The following MEG3 variants were observed in gnomAD, a reference collection of about 807,000 sequenced individuals.
The protein encoded by MEG3 is Very putative protein from MEG3 locus.
chr14:100,846,215 G>A (rs1245046505), intron 3 of MEG3: 3 of 152,226 alleles, frequency 2.0e-5, no homozygotes, highest in Non-Finnish European at 4.4e-5. Flanking sequence ...CCCACCAGGA[G>A]ACTATGTACC....
chr14:100,858,602 T>A (rs1951485417), exon 1 of MEG3: 2 of 152,780 alleles, frequency 1.3e-5, no homozygotes, highest in South Asian at 4.1e-4. Context: ...CTGCCCCGGC[T>A]CTCTTCCACC....
At chr14:100,830,520 G>A (rs531425111), downstream of MEG3, 5 of 152,270 alleles carry the variant, frequency 3.3e-5, no homozygotes, top group South Asian at 8.3e-4. Flanking sequence ...CACATGTCCA[G>A]CCCAATTCTC....
exon 2 of MEG3, chr14:100,836,265 T>C (rs2139957214): frequency 2.2e-6 from 1 of 456,646 alleles, no homozygotes; most frequent in East Asian, 7.0e-5. Context: ...CCAAGTCTTC[T>C]TCCTGGCGGG....
At chr14:100,831,162 C>A, downstream of MEG3, 1 of 152,990 alleles carries the variant, frequency 6.5e-6, no homozygotes, top group Non-Finnish European at 1.5e-5. Flanking sequence ...CTCACAACTC[C>A]CTGTCCTGAG....
chr14:100,849,360 C>T (rs971163045), intron 3 of MEG3: 1 of 152,124 alleles, frequency 6.6e-6, no homozygotes, highest in Non-Finnish European at 1.5e-5. Context: ...TAATCCAATT[C>T]TGTGCACCTG....
intron 2 of MEG3, among the ~76,000 whole-genome samples, chr14:100,840,900 C>T (rs1383557698): frequency 2.0e-5 from 3 of 152,260 alleles, no homozygotes; most frequent in African/African-American, 4.8e-5. Flanking sequence ...TCCGCGCTCA[C>T]AGCTGGGCTG....
downstream of MEG3, chr14:100,833,460 A>G (rs567485946): frequency 2.6e-5 from 4 of 152,258 alleles, no homozygotes; most frequent in East Asian, 7.7e-4. Flanking sequence ...GGGTTTCACC[A>G]TGTTGGTCAG....
At chr14:100,836,166 G>A in intron 1 of MEG3, 1 of 451,104 alleles carries the variant, frequency 2.2e-6, no homozygotes, top group Non-Finnish European at 4.4e-6. Context: ...CCTTCCCCAA[G>A]GCACGTGGGC....
At position 100,843,833 on chromosome 14, in the gene MEG3, G is replaced by GTTTTTTTT. The variant is rs11307044; in HGVS notation, n.3046-1608_3046-1601dup. On this transcript the variant is annotated intron_variant and non_coding_transcript_variant, in intron 2 of 3. Transcript: ENST00000398461. ...TGGAGTCAGGTGTCTCCCGGGACCTGTTTTTTTTTTTTTTTTTTTTTTTTG... is the reference window on the plus strand; with the variant it reads ...TGGAGTCAGGTGTCTCCCGGGACCTGTTTTTTTTTTTTTTTTTTTTTTTTTTTTTTTTG... 6.5e-4 allele frequency among the ~76,000 whole-genome samples: 46 copies of GTTTTTTTT among 70,746 alleles called. 1 individual carries two copies. Among genetic ancestry groups the GTTTTTTTT allele is most frequent in the Middle Eastern group, 0.011 (1 of 90 alleles). 46.4% of individuals were successfully genotyped at this position (70,746 alleles called of 152,430 possible).
At position 100,845,367 on chromosome 14, in the gene MEG3, G is replaced by C; in HGVS notation, n.3046-91G>C. 2 of 362,806 alleles carry C rather than the reference G, an allele frequency of 5.5e-6. No homozygotes were observed. The highest frequency in any genetic ancestry group is 3.4e-5 in the Admixed American group (1 of 29,836). The allele number at this position is 362,806 out of a possible 1,614,324, so 22.5% of individuals were successfully genotyped here. A position where few individuals can be genotyped will look rare whatever the true frequency, so the allele number is the denominator to read the frequency against. On this transcript the variant is annotated intron_variant and non_coding_transcript_variant, in intron 2 of 3. Coordinates refer to the MEG3 transcript ENST00000398461. The surrounding 1 kb of genome is among the most constrained non-coding windows in gnomAD (Gnocchi z 5.2). ...TCTCTGCTCCAGGCCACCCCTGCCCGCCCCCCAGAGCTGTTGTCCTCATCC... is the reference window on the plus strand; with the variant it reads ...TCTCTGCTCCAGGCCACCCCTGCCCCCCCCCCAGAGCTGTTGTCCTCATCC...
At chr14:100,855,679 G>A (rs955982526), upstream of MEG3, 4 of 152,158 alleles carry the variant, frequency 2.6e-5, no homozygotes, top group South Asian at 2.1e-4. Flanking sequence ...GCCAACAGAC[G>A]TTTTTAAAAA....
At chr14:100,842,377 G>A (rs2037786300) in intron 2 of MEG3, among the ~76,000 whole-genome samples, 1 of 152,194 alleles carries the variant, frequency 6.6e-6, no homozygotes, top group African/African-American at 2.4e-5. Context: ...ACCTGACCAA[G>A]TAAAATTAGA....
At chr14:100,836,421 C>T (rs1039449195) in intron 2 of MEG3, 4 of 427,696 alleles carry the variant, frequency 9.4e-6, no homozygotes, top group African/African-American at 8.4e-5. Context: ...AAGGTGAATT[C>T]TCTTCACATC....
intron 2 of MEG3, among the ~76,000 whole-genome samples, chr14:100,838,360 A>G (rs4900475): frequency 0.96 from 146,436 of 152,282 alleles, 70,438 homozygotes; most frequent in African/African-American, 0.99. Context: ...AGGCAAACAC[A>G]TATTTGGGGT....
intron 2 of MEG3, chr14:100,828,862 A>C (rs2037323253): frequency 6.6e-6 from 1 of 152,160 alleles, no homozygotes; most frequent in Admixed American, 6.5e-5. Flanking sequence ...CGTGGCGGGC[A>C]GAATCTCCCA....
At chr14:100,840,811 G>C (rs1020036252) in intron 2 of MEG3, among the ~76,000 whole-genome samples, 1 of 152,226 alleles carries the variant, frequency 6.6e-6, no homozygotes, top group Non-Finnish European at 1.5e-5. Context: ...ATGGGGCTGC[G>C]GGGAGAGAGG....
downstream of MEG3, chr14:100,833,676 A>C (rs751116110): frequency 2.0e-5 from 3 of 152,194 alleles, no homozygotes; most frequent in Admixed American, 6.5e-5. Flanking sequence ...AATTCTTTAG[A>C]GCAGGTATGT....
exon 1 of MEG3, chr14:100,835,646 G>A (rs1196867341): frequency 1.3e-5 from 2 of 158,594 alleles, no homozygotes; most frequent in Non-Finnish European, 2.7e-5. Context: ...TCCCTGCCAA[G>A]CCCATACCTG....
upstream of MEG3, chr14:100,854,017 GT>G (rs2038167218): frequency 1.3e-5 from 2 of 152,382 alleles, no homozygotes; most frequent in African/African-American, 2.4e-5. Flanking sequence ...GGATAAGAGG[GT>G]GGAAGGATAG....
Sources: allele counts gnomAD v4.1 joint callset (sites outside exome capture counted in the v4.1 genomes callset), GRCh38; gene constraint gnomAD v4.1.1; non-coding constraint Gnocchi (gnomAD v3.1); transcripts MANE v1.5; gene names NCBI Gene and HGNC (gene_info 2026-07-23, HGNC 2026-07-21).